Variants in GPC5 observed in about 807,000 individuals in gnomAD.
The protein encoded by GPC5 is glypican-5.
In GPC5, 47 loss-of-function variants were observed where a neutral mutation model predicts 53.9. The ratio of observed to expected loss-of-function variants is 0.87; its 90% CI spans 0.69 to 1.11. The LOEUF (loss-of-function observed/expected upper bound fraction) is 1.11, where lower values mean the gene tolerates loss of function less well. Ranked by LOEUF, GPC5 falls within the 50% of genes most tolerant of loss-of-function variation. The pLI is 0.00. For synonymous variants in GPC5, 286 were observed against 263.3 expected (o/e 1.09, Z -0.84); for missense variants, 748 against 713.1 (o/e 1.05, Z -0.56).
chr13:92,067,304 G>A (rs1007197022), intron 6 of GPC5, among the ~76,000 whole-genome samples: 2 of 151,974 alleles, frequency 1.3e-5, no homozygotes, highest in Non-Finnish European at 2.9e-5. Context: ...GAGAACAGAA[G>A]GCAGTGTTAA....
chr13:92,049,729 T>A (rs1366127679), intron 6 of GPC5, among the ~76,000 whole-genome samples: 2 of 152,174 alleles, frequency 1.3e-5, no homozygotes, highest in Non-Finnish European at 2.9e-5. Context: ...TAATTTGGGA[T>A]GCTAGATGAA....
chr13:92,569,985 C>A (rs1205257575), intron 7 of GPC5, among the ~76,000 whole-genome samples: 14 of 152,088 alleles, frequency 9.2e-5, no homozygotes, highest in Non-Finnish European at 1.9e-4. Context: ...CTCGTTTGAG[C>A]TATTAAATTG....
At chr13:92,228,817 A>T (rs185289348) in intron 7 of GPC5, among the ~76,000 whole-genome samples, 12 of 152,280 alleles carry the variant, frequency 7.9e-5, no homozygotes, top group African/African-American at 2.9e-4. Context: ...CTGGAAAATA[A>T]CCAAGCATGG....
intron 7 of GPC5, among the ~76,000 whole-genome samples, chr13:92,628,356 A>G (rs1196676235): frequency 3.9e-5 from 5 of 129,406 alleles, no homozygotes; most frequent in Non-Finnish European, 7.7e-5. Flanking sequence ...GCTCACTGCA[A>G]CCTCCGCCTC....
At chr13:92,647,494 C>G (rs1450716977) in intron 7 of GPC5, among the ~76,000 whole-genome samples, 2 of 152,036 alleles carry the variant, frequency 1.3e-5, no homozygotes, top group Non-Finnish European at 2.9e-5. Context: ...TTGACAGGAA[C>G]TAGAAAATTC....
intron 7 of GPC5, among the ~76,000 whole-genome samples, chr13:92,155,265 T>C (rs1216067683): frequency 2.0e-5 from 3 of 152,160 alleles, no homozygotes; most frequent in East Asian, 3.8e-4. Context: ...TTTTTTTCAA[T>C]AAGCTCTGCA....
chr13:91,799,013 G>A (rs1319445361), intron 5 of GPC5, among the ~76,000 whole-genome samples: 1 of 151,988 alleles, frequency 6.6e-6, no homozygotes, highest in African/African-American at 2.4e-5. Context: ...ATCTTCTTTT[G>A]AGAAGTGTCA....
chr13:91,589,676 A>G (rs1329357949), intron 2 of GPC5, among the ~76,000 whole-genome samples: 13 of 152,102 alleles, frequency 8.5e-5, no homozygotes, highest in Admixed American at 8.5e-4. Context: ...CTTCACTCAA[A>G]AAGTCAACTT....
intron 7 of GPC5, among the ~76,000 whole-genome samples, chr13:92,545,675 C>G (rs1280605230): frequency 3.9e-5 from 6 of 152,118 alleles, no homozygotes; most frequent in Admixed American, 2.0e-4. Flanking sequence ...GGCCAGTGAT[C>G]ATGAGCATTT....
chr13:91,689,754 G>T (rs377119760), intron 2 of GPC5, among the ~76,000 whole-genome samples: 51 of 152,066 alleles, frequency 3.4e-4, no homozygotes, highest in African/African-American at 1.1e-3. Flanking sequence ...CACTGGAAGG[G>T]CTTCAGGAAC....
chr13:91,565,170 A>G (rs2031474719), intron 2 of GPC5, among the ~76,000 whole-genome samples: 1 of 152,018 alleles, frequency 6.6e-6, no homozygotes, highest in Non-Finnish European at 1.5e-5. Context: ...TTGTATTTTT[A>G]GTAGAGATGG....
At chr13:91,922,374 T>G (rs1389745139) in intron 6 of GPC5, among the ~76,000 whole-genome samples, 4 of 152,182 alleles carry the variant, frequency 2.6e-5, no homozygotes, top group African/African-American at 9.6e-5. Flanking sequence ...GTCTTCCATC[T>G]TTACAGCCTC....
At position 92,663,833 on chromosome 13, in the gene GPC5, C is replaced by CTA. The variant is rs1160975918; in HGVS notation, c.1562-202438_1562-202437dup. Among the ~76,000 whole-genome samples the CTA allele has an allele frequency of 0.015, 1,841 of 123,954 alleles. 196 individuals carry two copies. In the East Asian group the frequency reaches 0.25, roughly 17 times the overall value. The allele number at this position is 123,954 out of a possible 152,430, so 81.3% of individuals were successfully genotyped here. A position where few individuals can be genotyped will look rare whatever the true frequency, so the allele number is the denominator to read the frequency against. On this transcript the variant is annotated intron_variant, in intron 7 of 7. Coordinates refer to ENST00000377067, the MANE Select transcript of GPC5 (RefSeq NM_004466.6). ...TACACACTATATATATATACACACA[C>CTA]TATATATATATACACACACACACTA...
chr13:91,995,396 A>G lies in GPC5; in HGVS notation c.1401+87339A>G, dbSNP rs559109521. ...TGAAGTCTGGAGATTGTTCTTCTAG[A>G]CCAAACTAGAAAAGGTAAAAAAGTA... On this transcript the variant is annotated intron_variant, in intron 6 of 7. Coordinates refer to ENST00000377067, the MANE Select transcript of GPC5 (RefSeq NM_004466.6). 4.6e-5 allele frequency: 7 copies of G among 152,278 alleles called. No individual in the cohort carries two copies. In the East Asian group the frequency reaches 1.3e-3, roughly 29 times the overall value. The allele number at this position is 152,278 out of a possible 1,614,324, so 9.4% of individuals were successfully genotyped here.
intron 7 of GPC5, among the ~76,000 whole-genome samples, chr13:92,228,431 A>C (rs1459396397): frequency 1.3e-5 from 2 of 152,110 alleles, no homozygotes; most frequent in Admixed American, 6.5e-5. Flanking sequence ...GGATACATTC[A>C]AGAGGTCCTT....
At chr13:92,593,293 T>C (rs1161430561) in intron 7 of GPC5, among the ~76,000 whole-genome samples, 1 of 151,256 alleles carries the variant, frequency 6.6e-6, no homozygotes, top group Non-Finnish European at 1.5e-5. Flanking sequence ...GTGATTGCAA[T>C]GTGGGTTACA....
At chr13:91,446,892 G>T (rs1055406166) in intron 1 of GPC5, among the ~76,000 whole-genome samples, 10 of 152,340 alleles carry the variant, frequency 6.6e-5, no homozygotes, top group South Asian at 2.1e-4. Flanking sequence ...CTGCATGCGC[G>T]CATGAGAACA....
intron 5 of GPC5, among the ~76,000 whole-genome samples, chr13:91,877,303 A>G (rs1024498471): frequency 4.6e-5 from 7 of 152,166 alleles, no homozygotes; most frequent in Admixed American, 2.6e-4. Context: ...CAGTTTGCAC[A>G]GTGCACCTGG....
chr13:92,318,149 A>T (rs951033347), intron 7 of GPC5, among the ~76,000 whole-genome samples: 2 of 152,160 alleles, frequency 1.3e-5, no homozygotes, highest in African/African-American at 4.8e-5. Context: ...TATAAAAATC[A>T]ACTTGATTTA....
Sources: gnomAD v4.1 joint callset for allele counts (sites outside exome capture counted in the v4.1 genomes callset) on GRCh38, gnomAD v4.1.1 for gene constraint, MANE v1.5 for transcripts, NCBI Gene and HGNC (gene_info 2026-07-23, HGNC 2026-07-21) for gene names.